The following SCHIP1 variants were observed in gnomAD, a reference collection of about 807,000 sequenced individuals.
The protein encoded by SCHIP1 is schwannomin interacting protein 1.
Under a neutral mutation model 29.7 loss-of-function variants are expected in SCHIP1, and 8 were observed. That is an observed-to-expected ratio of 0.27 (90% CI 0.16 to 0.49). SCHIP1 has a LOEUF of 0.49. Ranked by LOEUF, SCHIP1 falls within the 20% of genes least tolerant of loss-of-function variation. The pLI is 0.99. For synonymous variants in SCHIP1, 76 were observed against 94.9 expected, an observed-to-expected ratio of 0.80 and a Z score of 1.16; for missense variants, 193 against 294.6, an observed-to-expected ratio of 0.66 and a Z score of 2.52.
At chr3:159,413,576 C>T in the SCHIP1 span, among the ~76,000 whole-genome samples, 2 of 152,134 alleles carry the variant, frequency 1.3e-5, no homozygotes, top group Non-Finnish European at 2.9e-5. Flanking sequence ...TCTCTGACCT[C>T]ATTACTGAGT....
the SCHIP1 span, among the ~76,000 whole-genome samples, chr3:159,455,992 A>T: frequency 1.3e-5 from 2 of 152,196 alleles, no homozygotes; most frequent in African/African-American, 4.8e-5. Context: ...TGCACTGAAG[A>T]TCATCTGAGC....
chr3:159,696,716 G>T, the SCHIP1 span, among the ~76,000 whole-genome samples: 1 of 152,200 alleles, frequency 6.6e-6, no homozygotes, highest in Non-Finnish European at 1.5e-5. Context: ...GACTCTGTGG[G>T]TGTCGGGGTT....
the SCHIP1 span, among the ~76,000 whole-genome samples, chr3:159,799,521 G>A: frequency 6.6e-6 from 1 of 152,250 alleles, no homozygotes; most frequent in African/African-American, 2.4e-5. Flanking sequence ...GGATACAGGT[G>A]TCTTGTCACA....
chr3:159,422,555 C>G, the SCHIP1 span, among the ~76,000 whole-genome samples: 3 of 152,132 alleles, frequency 2.0e-5, no homozygotes, highest in Non-Finnish European at 4.4e-5. Flanking sequence ...CAACAACACC[C>G]AGATCAAGAA....
chr3:159,626,345 T>C, the SCHIP1 span, among the ~76,000 whole-genome samples: 2 of 151,044 alleles, frequency 1.3e-5, no homozygotes, highest in African/African-American at 4.9e-5. Context: ...GGAAGCAAGT[T>C]ATTTACTTTG....
At chr3:159,625,565 C>G in the SCHIP1 span, among the ~76,000 whole-genome samples, 1 of 152,138 alleles carries the variant, frequency 6.6e-6, no homozygotes, top group East Asian at 1.9e-4. Flanking sequence ...CCTAATGTTG[C>G]ACTAAATTTT....
chr3:159,398,876 A>G, the SCHIP1 span: 1 of 600,082 alleles, frequency 1.7e-6, no homozygotes, highest in Non-Finnish European at 2.1e-6. Flanking sequence ...GTACCTTAGG[A>G]CACCCAAGTA....
At chr3:159,732,914 C>T in the SCHIP1 span, among the ~76,000 whole-genome samples, 2 of 152,210 alleles carry the variant, frequency 1.3e-5, no homozygotes, top group Non-Finnish European at 2.9e-5. Context: ...AGGCTGCAGC[C>T]TTAACCCTTT....
At chr3:159,639,538 A>G in the SCHIP1 span, among the ~76,000 whole-genome samples, 1 of 152,190 alleles carries the variant, frequency 6.6e-6, no homozygotes, top group East Asian at 1.9e-4. Context: ...TTTATGGCTA[A>G]ATAACGGCAA....
the SCHIP1 span, among the ~76,000 whole-genome samples, chr3:159,745,737 C>T: frequency 2.6e-5 from 4 of 152,276 alleles, no homozygotes; most frequent in African/African-American, 9.6e-5. Flanking sequence ...TTCCTAGTGA[C>T]CTTGTTTAGT....
the SCHIP1 span, among the ~76,000 whole-genome samples, chr3:159,595,175 G>T: frequency 6.6e-6 from 1 of 152,166 alleles, no homozygotes; most frequent in East Asian, 1.9e-4. Context: ...ATGTGCTTCT[G>T]CTAGCAAACA....
At chr3:159,394,859 T>C in the SCHIP1 span, among the ~76,000 whole-genome samples, 1 of 152,160 alleles carries the variant, frequency 6.6e-6, no homozygotes, top group Non-Finnish European at 1.5e-5. Flanking sequence ...TCCCTCTTTT[T>C]CTATTGATTG....
chr3:159,365,347 T>C, the SCHIP1 span, among the ~76,000 whole-genome samples: 1 of 152,156 alleles, frequency 6.6e-6, no homozygotes, highest in Non-Finnish European at 1.5e-5. Flanking sequence ...AAACATGCGT[T>C]TTTTTCTGGG....
At chr3:159,310,496 A>T in the SCHIP1 span, among the ~76,000 whole-genome samples, 1 of 152,172 alleles carries the variant, frequency 6.6e-6, no homozygotes, top group Non-Finnish European at 1.5e-5. Context: ...GGCTGGCAAA[A>T]ATCATGTAAA....
At chr3:159,353,321 A>T in the SCHIP1 span, among the ~76,000 whole-genome samples, 1 of 151,974 alleles carries the variant, frequency 6.6e-6, no homozygotes, top group Admixed American at 6.6e-5. Flanking sequence ...ATAATAATAA[A>T]ATTAAAAAAA....
chr3:159,826,364 C>T, the SCHIP1 span, among the ~76,000 whole-genome samples: 8 of 152,128 alleles, frequency 5.3e-5, no homozygotes, highest in African/African-American at 1.4e-4. Context: ...GCAGAAATCC[C>T]GTCTGTCCTT....
the SCHIP1 span, among the ~76,000 whole-genome samples, chr3:159,787,302 T>C: frequency 4.7e-4 from 72 of 152,350 alleles, 1 homozygote; most frequent in Admixed American, 2.7e-3. Context: ...GTGTTGGTTG[T>C]CTTTGTAAAC....
At chr3:159,496,107 G>T in the SCHIP1 span, among the ~76,000 whole-genome samples, 1 of 152,180 alleles carries the variant, frequency 6.6e-6, no homozygotes, top group Non-Finnish European at 1.5e-5. Flanking sequence ...ATTAATTCAA[G>T]ATGGATTAAA....
At chr3:159,844,398 GTTGT>G (rs1289059897) in intron 1 of SCHIP1, among the ~76,000 whole-genome samples, 2 of 135,556 alleles carry the variant, frequency 1.5e-5, no homozygotes, top group Non-Finnish European at 3.0e-5. Flanking sequence ...ATTTTTCATG[GTTGT>G]TTGTTTTGTT....
Sources: gnomAD v4.1 joint callset for allele counts (sites outside exome capture counted in the v4.1 genomes callset) on GRCh38, gnomAD v4.1.1 for gene constraint, MANE v1.5 for transcripts, NCBI Gene and HGNC (gene_info 2026-07-23, HGNC 2026-07-21) for gene names.